The following NEGR1 variants were observed in gnomAD, a reference collection of about 807,000 sequenced individuals.
The protein encoded by NEGR1 is IgLON family member 4.
Under a neutral mutation model 40.9 loss-of-function variants are expected in NEGR1, and 10 were observed. The observed-to-expected ratio is 0.24, with a 90% CI of 0.15 to 0.42. NEGR1 has a LOEUF of 0.42. NEGR1 is among the 10% of genes least tolerant of loss of function. The pLI, the probability that NEGR1 is intolerant of heterozygous loss-of-function variation, is 1.00. For synonymous variants in NEGR1, 185 were observed against 166.8 expected (o/e 1.11, Z -0.84); for missense variants, 352 against 438.9 (o/e 0.80, Z 1.77).
chr1:71,967,406 G>A (rs1371983456), intron 1 of NEGR1, among the ~76,000 whole-genome samples: 1 of 151,840 alleles, frequency 6.6e-6, no homozygotes, highest in Non-Finnish European at 1.5e-5. Flanking sequence ...AGGCAACAGT[G>A]GATATAAATT....
intron 4 of NEGR1, among the ~76,000 whole-genome samples, chr1:71,621,830 T>C (rs922611785): frequency 2.0e-5 from 3 of 151,900 alleles, no homozygotes; most frequent in Non-Finnish European, 4.4e-5. Context: ...CTATCATTAG[T>C]CATTATATTG....
At chr1:72,265,926 C>T (rs1382322896) in intron 1 of NEGR1, among the ~76,000 whole-genome samples, 1 of 150,496 alleles carries the variant, frequency 6.6e-6, no homozygotes, top group East Asian at 1.9e-4. Context: ...CAAAAAAATA[C>T]TACAGTATGT....
intron 1 of NEGR1, among the ~76,000 whole-genome samples, chr1:71,946,227 C>A (rs973834092): frequency 6.6e-6 from 1 of 152,022 alleles, no homozygotes; most frequent in Admixed American, 6.6e-5. Flanking sequence ...TGCCACCATG[C>A]CTGGCTAAAT....
chr1:72,154,551 C>T (rs1221540601), intron 1 of NEGR1, among the ~76,000 whole-genome samples: 4 of 151,918 alleles, frequency 2.6e-5, no homozygotes. Context: ...TACGAACTCA[C>T]CAAATAGGAA....
intron 4 of NEGR1, among the ~76,000 whole-genome samples, chr1:71,684,895 A>T (rs1040189239): frequency 2.6e-5 from 4 of 152,166 alleles, no homozygotes; most frequent in African/African-American, 9.7e-5. Flanking sequence ...CTCAAACTTC[A>T]CAATTTAAAA....
intron 1 of NEGR1, among the ~76,000 whole-genome samples, chr1:72,208,900 C>A (rs764271296): frequency 6.0e-5 from 9 of 151,198 alleles, no homozygotes; most frequent in Non-Finnish European, 1.2e-4. Context: ...AAATGTATTG[C>A]AAGAATTTTT....
intron 4 of NEGR1, among the ~76,000 whole-genome samples, chr1:71,686,555 G>A (rs2101616689): frequency 1.3e-5 from 2 of 152,290 alleles, no homozygotes; most frequent in South Asian, 4.1e-4. Flanking sequence ...GCCTTGCCTG[G>A]AAGTGGCCCA....
intron 6 of NEGR1, among the ~76,000 whole-genome samples, chr1:71,540,890 C>G (rs1647670246): frequency 6.6e-6 from 1 of 151,418 alleles, no homozygotes; most frequent in African/African-American, 2.4e-5. Flanking sequence ...GGGTGGAAGG[C>G]AAAACGGGAG....
intron 3 of NEGR1, among the ~76,000 whole-genome samples, chr1:71,713,530 C>T (rs184086798): frequency 2.0e-5 from 3 of 152,252 alleles, no homozygotes; most frequent in African/African-American, 4.8e-5. Flanking sequence ...AATATAAAGA[C>T]ACAGATATTT....
chr1:72,187,717 T>C (rs1652662942), intron 1 of NEGR1, among the ~76,000 whole-genome samples: 1 of 151,482 alleles, frequency 6.6e-6, no homozygotes, highest in Non-Finnish European at 1.5e-5. Flanking sequence ...GCAGCTATCA[T>C]GTCCTGGACC....
intron 1 of NEGR1, among the ~76,000 whole-genome samples, chr1:72,105,156 A>G (rs1287261598): frequency 6.6e-6 from 1 of 152,098 alleles, no homozygotes; most frequent in African/African-American, 2.4e-5. Flanking sequence ...CCTCCAAACT[A>G]TTCTCTATAC....
chr1:71,465,702 A>G (rs1353261583), intron 6 of NEGR1, among the ~76,000 whole-genome samples: 6 of 152,050 alleles, frequency 3.9e-5, no homozygotes, highest in Non-Finnish European at 8.8e-5. Flanking sequence ...AGAAAGCTGC[A>G]TCACTTGGTG....
intron 1 of NEGR1, among the ~76,000 whole-genome samples, chr1:72,155,520 T>C (rs1651325466): frequency 6.6e-6 from 1 of 152,052 alleles, no homozygotes; most frequent in Non-Finnish European, 1.5e-5. Context: ...ATTAATTATA[T>C]TTGATTTATA....
chr1:71,607,668 A>G (rs1650113054), intron 5 of NEGR1, among the ~76,000 whole-genome samples: 2 of 152,200 alleles, frequency 1.3e-5, no homozygotes, highest in African/African-American at 4.8e-5. Flanking sequence ...CTTGCTAAAT[A>G]GACAGCTTTT....
chr1:72,083,916 C>T (rs954637240), intron 1 of NEGR1, among the ~76,000 whole-genome samples: 16 of 152,098 alleles, frequency 1.1e-4, no homozygotes, highest in African/African-American at 3.9e-4. Flanking sequence ...AGAGCATAGT[C>T]TTGAGGTTCA....
intron 2 of NEGR1, among the ~76,000 whole-genome samples, chr1:71,894,922 AT>A (rs572169384): frequency 2.5e-3 from 375 of 147,132 alleles, no homozygotes; most frequent in Middle Eastern, 0.011. Flanking sequence ...CCATCTCCAA[AT>A]TTTTTTTTTT....
intron 2 of NEGR1, among the ~76,000 whole-genome samples, chr1:71,864,438 A>G (rs917194012): frequency 6.6e-6 from 1 of 152,194 alleles, no homozygotes; most frequent in Non-Finnish European, 1.5e-5. Context: ...GATTACACCT[A>G]AAAATTAGAA....
At chr1:71,973,286 A>G (rs1231977675) in intron 1 of NEGR1, among the ~76,000 whole-genome samples, 1 of 150,496 alleles carries the variant, frequency 6.6e-6, no homozygotes. Flanking sequence ...ACTGCACTCC[A>G]GCCTGGGCGA....
intron 1 of NEGR1, among the ~76,000 whole-genome samples, chr1:72,110,221 T>TAAAAAAAAAAAAAAAAA (rs57618301): frequency 9.3e-6 from 1 of 106,984 alleles, no homozygotes; most frequent in African/African-American, 3.3e-5. Flanking sequence ...TAGAGTATAA[T>TAAAAAAAAAAAAAAAAA]AAAAAAAAAA....
Sources: allele counts gnomAD v4.1 joint callset (sites outside exome capture counted in the v4.1 genomes callset), GRCh38; gene constraint gnomAD v4.1.1; transcripts MANE v1.5; gene names NCBI Gene and HGNC (gene_info 2026-07-23, HGNC 2026-07-21).